Variants in RAPGEF5 observed in about 807,000 individuals in gnomAD.
RAPGEF5 encodes Rap guanine nucleotide exchange factor 5.
RAPGEF5 carries 65 observed loss-of-function variants against 125.2 expected under a neutral mutation model. The ratio of observed to expected loss-of-function variants is 0.52; its 90% CI spans 0.43 to 0.64. The LOEUF (loss-of-function observed/expected upper bound fraction) is 0.64. Among genes scored for constraint, RAPGEF5 ranks in the 30% least tolerant of loss-of-function variants. The pLI is 0.00. For synonymous variants in RAPGEF5, 391 were observed against 385.9 expected (o/e 1.01, Z -0.16); for missense variants, 958 against 1,048.1 (o/e 0.91, Z 1.19).
intron 1 of RAPGEF5, among the ~76,000 whole-genome samples, chr7:22,323,858 C>A (rs1320000305): frequency 6.6e-6 from 1 of 152,160 alleles, no homozygotes; most frequent in East Asian, 1.9e-4. Context: ...GAAGAAAGGA[C>A]AGCCCTTCCT....
At chr7:22,139,431 G>A (rs1783184342) in intron 21 of RAPGEF5, among the ~76,000 whole-genome samples, 1 of 152,088 alleles carries the variant, frequency 6.6e-6, no homozygotes. Context: ...TAAGTTTAGG[G>A]GTATCCCCAG....
intron 13 of RAPGEF5, among the ~76,000 whole-genome samples, chr7:22,161,577 C>CAG (rs1784000680): frequency 6.7e-6 from 1 of 148,842 alleles, no homozygotes. Context: ...CACACACACA[C>CAG]ACACAATTCC....
intron 10 of RAPGEF5, 89 bp from the exon 11 acceptor site, chr7:22,193,544 T>C: frequency 6.4e-7 from 1 of 1,552,082 alleles, no homozygotes; most frequent in South Asian, 1.2e-5. Context: ...TCCTCGTCGA[T>C]GTATTTGAAA....
intron 7 of RAPGEF5, among the ~76,000 whole-genome samples, chr7:22,245,938 T>C (rs935617063): frequency 2.0e-5 from 3 of 152,094 alleles, no homozygotes; most frequent in African/African-American, 7.2e-5. Context: ...ACCAATAATG[T>C]TCAGGAAGAG....
intron 1 of RAPGEF5, among the ~76,000 whole-genome samples, chr7:22,328,349 C>T (rs962089748): frequency 4.6e-5 from 7 of 152,250 alleles, no homozygotes; most frequent in African/African-American, 1.7e-4. Context: ...CCATTTCCCA[C>T]ACCTGGGAGT....
intron 7 of RAPGEF5, among the ~76,000 whole-genome samples, chr7:22,253,826 C>G (rs1786682584): frequency 6.6e-6 from 1 of 152,120 alleles, no homozygotes; most frequent in Admixed American, 6.5e-5. Context: ...GTCATGCATT[C>G]TCCTAAATAT....
intron 2 of RAPGEF5, among the ~76,000 whole-genome samples, chr7:22,316,103 GTC>G (rs573767029): frequency 2.0e-5 from 3 of 151,706 alleles, no homozygotes; most frequent in Non-Finnish European, 4.4e-5. Context: ...CCCCATATGA[GTC>G]TCTGGTTCTT....
intron 1 of RAPGEF5, among the ~76,000 whole-genome samples, chr7:22,336,091 T>C (rs1390441978): frequency 6.6e-6 from 1 of 152,194 alleles, no homozygotes; most frequent in Non-Finnish European, 1.5e-5. Flanking sequence ...GCCTCCATCT[T>C]AGATCAGGCC....
chr7:22,225,868 T>G (rs1471161553), intron 8 of RAPGEF5, among the ~76,000 whole-genome samples: 1 of 152,232 alleles, frequency 6.6e-6, no homozygotes, highest in East Asian at 1.9e-4. Context: ...ATAATTAAAG[T>G]TATTCATAGG....
intron 1 of RAPGEF5, among the ~76,000 whole-genome samples, chr7:22,323,141 A>G (rs1783749143): frequency 6.6e-6 from 1 of 152,256 alleles, no homozygotes. Flanking sequence ...CCTAAGCTGA[A>G]GTATCTTCAT....
At chr7:22,215,321 C>G (rs1342920880) in intron 9 of RAPGEF5, among the ~76,000 whole-genome samples, 2 of 152,214 alleles carry the variant, frequency 1.3e-5, no homozygotes, top group Non-Finnish European at 2.9e-5. Context: ...TACTCTTCTT[C>G]AATGTGGATT....
intron 22 of RAPGEF5, among the ~76,000 whole-genome samples, chr7:22,136,727 C>T (rs1783089558): frequency 6.6e-6 from 1 of 152,074 alleles, no homozygotes; most frequent in Non-Finnish European, 1.5e-5. Flanking sequence ...GGATTATTTT[C>T]ACTACGTTTT....
At chr7:22,193,815 G>C in intron 10 of RAPGEF5, 100 bp downstream of exon 10, 1 of 1,611,310 alleles carries the variant, frequency 6.2e-7, no homozygotes, top group Non-Finnish European at 8.5e-7. Flanking sequence ...AGGGAGGGTA[G>C]AGGAGGCAGA....
chr7:22,354,550 G>C (rs1338386967), intron 1 of RAPGEF5, among the ~76,000 whole-genome samples: 1 of 152,152 alleles, frequency 6.6e-6, no homozygotes, highest in Non-Finnish European at 1.5e-5. Context: ...GTTTTGGACT[G>C]TTAAGTGTAT....
At chr7:22,163,554 T>A (rs1186077432) in intron 12 of RAPGEF5, among the ~76,000 whole-genome samples, 1 of 152,226 alleles carries the variant, frequency 6.6e-6, no homozygotes, top group African/African-American at 2.4e-5. Flanking sequence ...TTAGAGCATA[T>A]GAATTATTTT....
chr7:22,249,188 T>TTTTTG (rs1337882536), intron 7 of RAPGEF5, among the ~76,000 whole-genome samples: 1 of 152,140 alleles, frequency 6.6e-6, no homozygotes, highest in Non-Finnish European at 1.5e-5. Flanking sequence ...TTATTTACCC[T>TTTTTG]TTTTGTTTTG....
chr7:22,269,661 G>C (rs1782371964), intron 6 of RAPGEF5, among the ~76,000 whole-genome samples: 2 of 152,186 alleles, frequency 1.3e-5, no homozygotes, highest in South Asian at 4.1e-4. Context: ...ATAATTGTTA[G>C]GTTTATATGA....
chr7:22,212,815 A>G (rs545991031), intron 9 of RAPGEF5, among the ~76,000 whole-genome samples: 1 of 152,310 alleles, frequency 6.6e-6, no homozygotes, highest in South Asian at 2.1e-4. Context: ...ATATAAGGTC[A>G]CCTGGGGTCT....
rs146607479 is a variant in RAPGEF5 at position 22,157,938 on chromosome 7, C to T, written c.1527-53G>A. On this transcript the variant is annotated intron_variant, in intron 14 of 25. Coordinates refer to ENST00000665637, the MANE Select transcript of RAPGEF5 (RefSeq NM_012294.5). The stretch of plus-strand genomic sequence containing the variant: ...TCTTTGTCTCAAACCCAGAATAATG[C>T]AGTTATTGTTACGGAAGACTAATTT... The T allele has an allele frequency of 4.0e-4, 616 of 1,526,830 alleles. 2 individuals carry two copies. The African/African-American group carries it at 7.1e-3, about 18-fold the overall frequency. The allele number at this position is 1,526,830 out of a possible 1,614,324, so 94.6% of individuals were successfully genotyped here. A position where few individuals can be genotyped will look rare whatever the true frequency, so the allele number is the denominator to read the frequency against.
Sources: allele counts gnomAD v4.1 joint callset (sites outside exome capture counted in the v4.1 genomes callset), GRCh38; gene constraint gnomAD v4.1.1; transcripts MANE v1.5; gene names NCBI Gene and HGNC (gene_info 2026-07-23, HGNC 2026-07-21).